Variants in ANXA10 observed in about 807,000 individuals in gnomAD.
ANXA10 encodes annexin 14.
In ANXA10, 49 loss-of-function variants were observed where a neutral mutation model predicts 53.5. The ratio of observed to expected loss-of-function variants is 0.92; its 90% confidence interval spans 0.73 to 1.16. ANXA10 has a LOEUF of 1.16. ANXA10 is among the 50% of genes most tolerant of loss of function. The probability of loss-of-function intolerance (pLI) is 0.00; values close to 1 mark genes in which losing one functional copy is unlikely to be tolerated. For synonymous variants in ANXA10, 131 were observed against 128.9 expected (o/e 1.02, Z -0.11); for missense variants, 393 against 394.4 (o/e 1.00, Z 0.03).
intron 3 of ANXA10, among the ~76,000 whole-genome samples, chr4:168,142,634 A>G (rs1430176130): frequency 6.6e-6 from 1 of 152,214 alleles, no homozygotes; most frequent in Non-Finnish European, 1.5e-5. Flanking sequence ...AAAGCTTTGA[A>G]AGCTGGGATG....
intron 1 of ANXA10, among the ~76,000 whole-genome samples, chr4:168,112,741 G>C (rs934622560): frequency 5.3e-5 from 8 of 152,018 alleles, no homozygotes; most frequent in Non-Finnish European, 7.4e-5. Context: ...GAATCTCCCT[G>C]CCGGCATGGT....
At chr4:168,154,958 T>C (rs922999453) in intron 3 of ANXA10, among the ~76,000 whole-genome samples, 2 of 152,126 alleles carry the variant, frequency 1.3e-5, no homozygotes, top group African/African-American at 4.8e-5. Flanking sequence ...CAACTTTCCA[T>C]TATTAGGGCC....
intron 1 of ANXA10, among the ~76,000 whole-genome samples, chr4:168,118,968 G>T (rs1414742428): frequency 6.6e-6 from 1 of 151,962 alleles, no homozygotes; most frequent in East Asian, 1.9e-4. Flanking sequence ...ACAAATATTT[G>T]ATTATTTAAT....
intron 3 of ANXA10, among the ~76,000 whole-genome samples, chr4:168,144,239 T>C (rs1370906410): frequency 6.6e-6 from 1 of 152,026 alleles, no homozygotes; most frequent in African/African-American, 2.4e-5. Flanking sequence ...CAGGCTGGAG[T>C]GCACTGCCGC....
intron 3 of ANXA10, among the ~76,000 whole-genome samples, chr4:168,150,364 A>G (rs1731476693): frequency 6.6e-6 from 1 of 152,234 alleles, no homozygotes; most frequent in Non-Finnish European, 1.5e-5. Flanking sequence ...ATATTCTCTT[A>G]CCACTGCAAA....
At chr4:168,153,047 C>G (rs890495102) in intron 3 of ANXA10, among the ~76,000 whole-genome samples, 2 of 151,968 alleles carry the variant, frequency 1.3e-5, no homozygotes, top group Non-Finnish European at 2.9e-5. Flanking sequence ...CTTCGCCATC[C>G]TGCCCAGTCT....
intron 3 of ANXA10, among the ~76,000 whole-genome samples, chr4:168,154,681 T>TA (rs889569092): frequency 6.6e-6 from 1 of 152,164 alleles, no homozygotes; most frequent in African/African-American, 2.4e-5. Context: ...TTAAAATGCC[T>TA]AAAATGTGCC....
intron 2 of ANXA10, among the ~76,000 whole-genome samples, chr4:168,134,540 T>C (rs886388651): frequency 1.3e-5 from 2 of 152,186 alleles, no homozygotes; most frequent in Non-Finnish European, 2.9e-5. Context: ...ACAAAGAAAG[T>C]AATTTTAAAA....
intron 6 of ANXA10, among the ~76,000 whole-genome samples, chr4:168,167,643 C>A (rs1731904712): frequency 6.6e-6 from 1 of 152,080 alleles, no homozygotes; most frequent in African/African-American, 2.4e-5. Flanking sequence ...TTTGTAATGT[C>A]TTTGAAAATG....
intron 1 of ANXA10, among the ~76,000 whole-genome samples, chr4:168,116,945 T>A (rs1730903873): frequency 1.3e-5 from 2 of 151,912 alleles, no homozygotes; most frequent in Non-Finnish European, 2.9e-5. Flanking sequence ...TCCATTTAAT[T>A]TTATGAATTT....
rs186715647 is a variant in ANXA10, at chr4:168,108,781, G to T, written c.18+16063G>T. Among the ~76,000 whole-genome samples the T allele has an allele frequency of 9.2e-4, 140 of 152,172 alleles. 2 individuals carry two copies. The highest frequency in any genetic ancestry group is 3.3e-3 in the African/African-American group (136 of 41,518). On this transcript the variant is annotated intron_variant, in intron 1 of 11. Coordinates refer to ENST00000359299, the MANE Select transcript of ANXA10 (RefSeq NM_007193.5). ...CTGAGCTTTAGACATTTCTCAATGT[G>T]CACCTAAGGTGTTCCCCAAATATGG...
intron 2 of ANXA10, among the ~76,000 whole-genome samples, chr4:168,135,108 GGA>G (rs1168502155): frequency 6.6e-6 from 1 of 152,156 alleles, no homozygotes; most frequent in Non-Finnish European, 1.5e-5. Flanking sequence ...TTGCAAGAAG[GGA>G]GAGAGAGTGA....
intron 10 of ANXA10, among the ~76,000 whole-genome samples, chr4:168,184,221 C>T (rs1409333427): frequency 3.9e-5 from 6 of 152,008 alleles, no homozygotes; most frequent in Admixed American, 1.3e-4. Flanking sequence ...GTGAGTGGGA[C>T]GGTGTGAAGG....
chr4:168,124,626 C>G (rs1442669561), intron 1 of ANXA10, among the ~76,000 whole-genome samples: 2 of 152,252 alleles, frequency 1.3e-5, no homozygotes, highest in South Asian at 4.1e-4. Context: ...GATACTCTCA[C>G]TCAGTTGGAT....
intron 1 of ANXA10, among the ~76,000 whole-genome samples, chr4:168,111,585 G>GTATA (rs1454689149): frequency 6.6e-6 from 1 of 152,104 alleles, no homozygotes; most frequent in Non-Finnish European, 1.5e-5. Context: ...CACTGGCCTT[G>GTATA]TATAAATACT....
chr4:168,117,379 G>C (rs1160062615), intron 1 of ANXA10, among the ~76,000 whole-genome samples: 1 of 152,164 alleles, frequency 6.6e-6, no homozygotes, highest in Non-Finnish European at 1.5e-5. Context: ...ACAACCTTAA[G>C]ATTAAATACA....
chr4:168,097,529 T>C (rs980568634), intron 1 of ANXA10, among the ~76,000 whole-genome samples: 2 of 152,014 alleles, frequency 1.3e-5, no homozygotes, highest in Non-Finnish European at 2.9e-5. Flanking sequence ...AACCCCAGAT[T>C]CCTGTAACCA....
chr4:168,180,089 C>T (rs373404926), intron 9 of ANXA10, among the ~76,000 whole-genome samples: 25 of 151,834 alleles, frequency 1.6e-4, no homozygotes, highest in African/African-American at 4.6e-4. Flanking sequence ...CATACACGGG[C>T]GTGAGAGCTG....
intron 6 of ANXA10, among the ~76,000 whole-genome samples, chr4:168,174,522 G>C (rs533984096): frequency 6.6e-6 from 1 of 152,320 alleles, no homozygotes; most frequent in East Asian, 1.9e-4. Context: ...CAGGCCAGGT[G>C]GCAAGGCAAA....
Sources: allele counts gnomAD v4.1 joint callset (sites outside exome capture counted in the v4.1 genomes callset), GRCh38; gene constraint gnomAD v4.1.1; transcripts MANE v1.5; gene names NCBI Gene and HGNC (gene_info 2026-07-23, HGNC 2026-07-21).